Variants in SATB2 observed in about 807,000 individuals in gnomAD.
The protein encoded by SATB2 is SATB homeobox 2.
Under a neutral mutation model 73.4 loss-of-function variants are expected in SATB2, and 1 was observed. That is an observed-to-expected ratio of 0.01 (90% confidence interval 0.00 to 0.06). SATB2 has a LOEUF of 0.06. Ranked by LOEUF, SATB2 falls within the 10% of genes least tolerant of loss-of-function variation. The probability of loss-of-function intolerance (pLI) is 1.00; values close to 1 mark genes in which losing one functional copy is unlikely to be tolerated. For missense variants in SATB2, 459 were observed against 945.8 expected (o/e 0.49, Z 6.75); for synonymous variants, 397 against 367.0 (o/e 1.08, Z -0.93).
At chr2:199,356,262 A>G (rs1057395911) in intron 6 of SATB2, among the ~76,000 whole-genome samples, 4 of 151,414 alleles carry the variant, frequency 2.6e-5, no homozygotes, top group Non-Finnish European at 5.9e-5. Flanking sequence ...GAAAGAAAAG[A>G]CGACGGCAGA....
At chr2:199,332,214 A>G (rs1205013002) in intron 7 of SATB2, among the ~76,000 whole-genome samples, 1 of 152,172 alleles carries the variant, frequency 6.6e-6, no homozygotes, top group Non-Finnish European at 1.5e-5. Context: ...CGTAGGCAAC[A>G]GAACCTTCTC....
intron 3 of SATB2, among the ~76,000 whole-genome samples, chr2:199,431,728 G>A (rs116730692): frequency 0.018 from 2,720 of 152,210 alleles, 33 homozygotes; most frequent in Middle Eastern, 0.051. Context: ...CCCTCAGTAT[G>A]TGCCAAGAAT....
chr2:199,319,810 C>T (rs1421043880), intron 9 of SATB2, among the ~76,000 whole-genome samples: 1 of 151,102 alleles, frequency 6.6e-6, no homozygotes, highest in Non-Finnish European at 1.5e-5. Flanking sequence ...TATGAGCTAA[C>T]CTATCGTAGC....
intron 10 of SATB2, among the ~76,000 whole-genome samples, chr2:199,306,413 A>G (rs927881518): frequency 2.6e-5 from 4 of 152,232 alleles, no homozygotes; most frequent in African/African-American, 9.6e-5. Flanking sequence ...CAAGGTCAAC[A>G]GCTGAGGCAA....
At chr2:199,468,069 T>C (rs1692627317), upstream of SATB2, 1 of 150,934 alleles carries the variant, frequency 6.6e-6, no homozygotes, top group Non-Finnish European at 1.5e-5. Context: ...TCTCTCTCTC[T>C]CTCTTTTTTT....
At chr2:199,333,079 G>A (rs761934683) in intron 7 of SATB2, among the ~76,000 whole-genome samples, 2 of 151,706 alleles carry the variant, frequency 1.3e-5, no homozygotes, top group Non-Finnish European at 2.9e-5. Context: ...ATCTCTCATG[G>A]ATTACCTCAG....
At chr2:199,285,837 G>A (rs2105733504) in intron 10 of SATB2, among the ~76,000 whole-genome samples, 1 of 146,186 alleles carries the variant, frequency 6.8e-6, no homozygotes, top group African/African-American at 2.5e-5. Flanking sequence ...TAGGAAGTCT[G>A]ACATGGAAAT....
intron 2 of SATB2, among the ~76,000 whole-genome samples, chr2:199,436,888 G>A (rs1691667528): frequency 6.7e-6 from 1 of 150,192 alleles, no homozygotes; most frequent in Non-Finnish European, 1.5e-5. Flanking sequence ...TTAACAACTC[G>A]TCCCAGGCAA....
intron 10 of SATB2, among the ~76,000 whole-genome samples, chr2:199,297,103 A>T (rs1428230837): frequency 6.6e-6 from 1 of 152,246 alleles, no homozygotes; most frequent in African/African-American, 2.4e-5. Flanking sequence ...GTTTGTTTCT[A>T]TTATATAAGA....
chr2:199,309,385 G>A (rs548566764), intron 9 of SATB2, among the ~76,000 whole-genome samples: 1 of 152,328 alleles, frequency 6.6e-6, no homozygotes, highest in South Asian at 2.1e-4. Flanking sequence ...AATTGTCTAG[G>A]TGTAAACAAC....
At chr2:199,309,093 A>T in intron 9 of SATB2, 136 bp from the exon 10 acceptor site, 1 of 782,866 alleles carries the variant, frequency 1.3e-6, no homozygotes, top group Non-Finnish European at 2.2e-6. Context: ...AGATAGTGAA[A>T]CAGTCTGACT....
intron 2 of SATB2, among the ~76,000 whole-genome samples, chr2:199,434,045 T>G (rs1396402514): frequency 2.6e-5 from 4 of 152,126 alleles, no homozygotes; most frequent in Non-Finnish European, 5.9e-5. Flanking sequence ...GGTATTGATT[T>G]TAAGGCCTAA....
At chr2:199,352,532 G>A (rs1688849470) in intron 6 of SATB2, among the ~76,000 whole-genome samples, 1 of 152,098 alleles carries the variant, frequency 6.6e-6, no homozygotes, top group Non-Finnish European at 1.5e-5. Flanking sequence ...TTGTAGTTAA[G>A]AAGAGCAACT....
At chr2:199,302,680 G>T (rs1270371862) in intron 10 of SATB2, among the ~76,000 whole-genome samples, 1 of 152,166 alleles carries the variant, frequency 6.6e-6, no homozygotes, top group Non-Finnish European at 1.5e-5. Flanking sequence ...AAAAATTCTA[G>T]TAACCCGGTA....
At chr2:199,295,494 G>A (rs67096136) in intron 10 of SATB2, among the ~76,000 whole-genome samples, 9,173 of 151,674 alleles carry the variant, frequency 0.06, 389 homozygotes, top group Non-Finnish European at 0.092. Flanking sequence ...CCAGTTTCAC[G>A]CTGCCAATGG....
At chr2:199,324,464 TATC>T (rs1687978244) in intron 8 of SATB2, among the ~76,000 whole-genome samples, 2 of 152,294 alleles carry the variant, frequency 1.3e-5, no homozygotes, top group Middle Eastern at 3.4e-3. Context: ...TTCCCATCAT[TATC>T]ATCATTATGC....
chr2:199,290,633 C>T (rs1315217345), intron 10 of SATB2, among the ~76,000 whole-genome samples: 1 of 152,094 alleles, frequency 6.6e-6, no homozygotes, highest in Non-Finnish European at 1.5e-5. Flanking sequence ...TAATAAATAC[C>T]ATAGGTTAAT....
At chr2:199,353,567 C>T (rs1688885084) in intron 6 of SATB2, among the ~76,000 whole-genome samples, 1 of 152,042 alleles carries the variant, frequency 6.6e-6, no homozygotes, top group African/African-American at 2.4e-5. Context: ...AGCACAGATG[C>T]TTAAAAAAGA....
chr2:199,375,720 A>G (rs939397165), intron 5 of SATB2, among the ~76,000 whole-genome samples: 2 of 152,172 alleles, frequency 1.3e-5, no homozygotes, highest in Non-Finnish European at 2.9e-5. Context: ...AGTTGAGTCT[A>G]TTTTTGAAAA....
Sources: gnomAD v4.1 joint callset for allele counts (sites outside exome capture counted in the v4.1 genomes callset) on GRCh38, gnomAD v4.1.1 for gene constraint, MANE v1.5 for transcripts, NCBI Gene and HGNC (gene_info 2026-07-23, HGNC 2026-07-21) for gene names.